The following CDK14 variants were observed in gnomAD, a reference collection of about 807,000 sequenced individuals.
The protein encoded by CDK14 is cyclin dependent kinase 14, also known as cyclin-dependent kinase 14.
Under a neutral mutation model 60.7 loss-of-function variants are expected in CDK14, and 34 were observed. That is an observed-to-expected ratio of 0.56 (90% confidence interval 0.43 to 0.75). CDK14 has a LOEUF of 0.75. CDK14 is among the 30% of genes least tolerant of loss of function. The probability of loss-of-function intolerance (pLI) is 0.00; values close to 1 mark genes in which losing one functional copy is unlikely to be tolerated. For missense variants in CDK14, 482 were observed against 564.1 expected (o/e 0.85, Z 1.47); for synonymous variants, 197 against 203.7 (o/e 0.97, Z 0.28).
intron 14 of CDK14, among the ~76,000 whole-genome samples, chr7:91,169,951 T>C (rs1358444875): frequency 1.3e-5 from 2 of 152,238 alleles, no homozygotes; most frequent in Non-Finnish European, 2.9e-5. Context: ...GGCTAATGTT[T>C]TCCTGCTGAG....
At chr7:90,869,919 A>G (rs1276758606) in intron 6 of CDK14, among the ~76,000 whole-genome samples, 1 of 152,220 alleles carries the variant, frequency 6.6e-6, no homozygotes, top group South Asian at 2.1e-4. Context: ...AAATGGGAAC[A>G]TCCTACATTA....
intron 10 of CDK14, among the ~76,000 whole-genome samples, chr7:91,019,925 G>A (rs1316431778): frequency 6.6e-6 from 1 of 152,272 alleles, no homozygotes; most frequent in East Asian, 1.9e-4. Context: ...GCGGCTTAGA[G>A]CAATTGTTTA....
intron 10 of CDK14, among the ~76,000 whole-genome samples, chr7:90,989,695 C>T (rs566895629): frequency 1.3e-5 from 2 of 152,234 alleles, no homozygotes; most frequent in African/African-American, 4.8e-5. Flanking sequence ...AAATGTTGTG[C>T]TCTAATCCAA....
intron 2 of CDK14, among the ~76,000 whole-genome samples, chr7:90,619,777 C>T (rs1799730085): frequency 6.6e-6 from 1 of 152,182 alleles, no homozygotes; most frequent in South Asian, 2.1e-4. Flanking sequence ...GGGCGCATTG[C>T]TTGAGGCCAG....
chr7:90,743,549 CTTAA>C (rs1269377693), intron 3 of CDK14, among the ~76,000 whole-genome samples: 3 of 152,078 alleles, frequency 2.0e-5, no homozygotes, highest in Non-Finnish European at 4.4e-5. Context: ...CCATATATCC[CTTAA>C]TTATTAGTTA....
chr7:90,956,253 G>A (rs1794406264), intron 9 of CDK14, among the ~76,000 whole-genome samples: 2 of 152,122 alleles, frequency 1.3e-5, no homozygotes, highest in African/African-American at 4.8e-5. Context: ...GTATGTACTT[G>A]AAAACTTCTG....
chr7:91,162,129 G>C (rs1401232305), intron 14 of CDK14, among the ~76,000 whole-genome samples: 1 of 152,232 alleles, frequency 6.6e-6, no homozygotes, highest in Non-Finnish European at 1.5e-5. Context: ...TCACAGGCCA[G>C]TGGGATTAGC....
intron 5 of CDK14, among the ~76,000 whole-genome samples, chr7:90,815,132 A>G (rs1170478731): frequency 6.6e-6 from 1 of 152,192 alleles, no homozygotes; most frequent in Non-Finnish European, 1.5e-5. Context: ...ATTGTGTTCA[A>G]TTATAAACTA....
intron 14 of CDK14, among the ~76,000 whole-genome samples, chr7:91,180,189 C>G (rs1028463489): frequency 6.6e-6 from 1 of 152,158 alleles, no homozygotes; most frequent in Admixed American, 6.5e-5. Flanking sequence ...AGATCCCCAC[C>G]TTGAGTAAGC....
At chr7:91,101,053 A>T (rs1799134992) in intron 12 of CDK14, among the ~76,000 whole-genome samples, 1 of 152,148 alleles carries the variant, frequency 6.6e-6, no homozygotes, top group Non-Finnish European at 1.5e-5. Context: ...CATTGTCCTT[A>T]TTTAGCATAG....
At chr7:91,104,348 G>A (rs1419870980) in intron 12 of CDK14, among the ~76,000 whole-genome samples, 2 of 152,100 alleles carry the variant, frequency 1.3e-5, no homozygotes, top group African/African-American at 4.8e-5. Flanking sequence ...ATCCCTTGAG[G>A]CGTAATTGGG....
At chr7:91,006,222 C>G (rs1208903) in intron 10 of CDK14, among the ~76,000 whole-genome samples, 110,150 of 152,218 alleles carry the variant, frequency 0.72, 40,033 homozygotes, top group East Asian at 0.77. Flanking sequence ...CCTCATGGCT[C>G]TTTTTAGTTC....
intron 5 of CDK14, among the ~76,000 whole-genome samples, chr7:90,855,910 T>C (rs1187259709): frequency 6.6e-6 from 1 of 152,162 alleles, no homozygotes; most frequent in African/African-American, 2.4e-5. Flanking sequence ...TAGGTATCGA[T>C]GCTAAGGAAG....
intron 2 of CDK14, among the ~76,000 whole-genome samples, chr7:90,701,262 C>G (rs1801780698): frequency 6.6e-6 from 1 of 152,156 alleles, no homozygotes; most frequent in Non-Finnish European, 1.5e-5. Flanking sequence ...CAGTTTATTT[C>G]CCATTAGGTA....
chr7:90,721,960 G>C (rs970025244), intron 2 of CDK14, among the ~76,000 whole-genome samples: 3 of 152,116 alleles, frequency 2.0e-5, no homozygotes, highest in Non-Finnish European at 4.4e-5. Context: ...TTCAACTGAA[G>C]ACTTGTACGC....
At chr7:90,885,200 T>A (rs1248100834) in intron 6 of CDK14, among the ~76,000 whole-genome samples, 1 of 152,138 alleles carries the variant, frequency 6.6e-6, no homozygotes, top group Non-Finnish European at 1.5e-5. Context: ...GACAAAGGTC[T>A]AATATCCAGA....
chr7:90,867,773 T>C (rs565750676), intron 6 of CDK14, among the ~76,000 whole-genome samples: 4 of 152,188 alleles, frequency 2.6e-5, no homozygotes, highest in African/African-American at 9.6e-5. Flanking sequence ...TATGATATTG[T>C]GCACTTACAA....
chr7:90,853,647 A>G (rs146412067), intron 5 of CDK14, among the ~76,000 whole-genome samples: 4 of 152,322 alleles, frequency 2.6e-5, no homozygotes, highest in African/African-American at 4.8e-5. Flanking sequence ...TGGTTGAAAT[A>G]TGGAATATAA....
intron 12 of CDK14, among the ~76,000 whole-genome samples, chr7:91,103,260 A>G (rs1006507123): frequency 2.0e-5 from 3 of 152,124 alleles, no homozygotes; most frequent in African/African-American, 7.2e-5. Flanking sequence ...CAAAAAAAAA[A>G]AGAAATGCTG....
Sources: gnomAD v4.1 joint callset for allele counts (sites outside exome capture counted in the v4.1 genomes callset) on GRCh38, gnomAD v4.1.1 for gene constraint, MANE v1.5 for transcripts, NCBI Gene and HGNC (gene_info 2026-07-23, HGNC 2026-07-21) for gene names.